SEC24D: variants seen among roughly 807,000 people sequenced by gnomAD.
SEC24D encodes SEC24 homolog D, COPII component, also known as protein transport protein Sec24D.
SEC24D carries 69 observed loss-of-function variants against 116.9 expected under a neutral mutation model. That is an observed-to-expected ratio of 0.59 (90% CI 0.49 to 0.72). SEC24D has a LOEUF of 0.72. SEC24D is among the 30% of genes least tolerant of loss of function. SEC24D has a pLI of 0.00. For synonymous variants in SEC24D, 405 were observed against 442.8 expected (o/e 0.91, Z 1.07); for missense variants, 1,131 against 1,264.1 (o/e 0.89, Z 1.60).
intron 13 of SEC24D, among the ~76,000 whole-genome samples, chr4:118,745,855 T>C (rs1054445599): frequency 1.3e-5 from 2 of 152,280 alleles, no homozygotes; most frequent in East Asian, 3.9e-4. Flanking sequence ...ACAATAGCTC[T>C]GATCAGGTAT....
intron 17 of SEC24D, among the ~76,000 whole-genome samples, chr4:118,739,673 C>G (rs1314480150): frequency 6.6e-6 from 1 of 152,216 alleles, no homozygotes; most frequent in African/African-American, 2.4e-5. Flanking sequence ...AAACATACAA[C>G]TAGCTTTCAC....
At chr4:118,804,661 A>T (rs997608454) in intron 7 of SEC24D, among the ~76,000 whole-genome samples, 1 of 152,040 alleles carries the variant, frequency 6.6e-6, no homozygotes, top group Non-Finnish European at 1.5e-5. Flanking sequence ...ATATGAACTC[A>T]TCTAACTAGT....
At position 118,732,727 on chromosome 4, in the gene SEC24D, G is replaced by A. The variant is rs576275652; in HGVS notation, c.2676+6C>T. 3 of 1,613,220 alleles carry A rather than the reference G, an allele frequency of 1.9e-6. No homozygotes were observed. Among genetic ancestry groups the A allele is most frequent in the South Asian group, 2.2e-5 (2 of 90,918 alleles). ...TCTGGGAAATGCACCACCCCAGCAT[G>A]CTTACTATGGGCAGAAGTTGTGGGT... On this transcript the variant is annotated splice_donor_region_variant and intron_variant, in intron 20 of 22. Coordinates refer to ENST00000280551, the MANE Select transcript of SEC24D (RefSeq NM_014822.4).
chr4:118,731,167 A>G (rs1350277242), intron 21 of SEC24D, 149 bp downstream of exon 21: 1 of 679,362 alleles, frequency 1.5e-6, no homozygotes. Context: ...GCTAATTGAT[A>G]TTGATCAAAA....
At chr4:118,771,174 T>A (rs1445150249) in intron 8 of SEC24D, among the ~76,000 whole-genome samples, 2 of 151,726 alleles carry the variant, frequency 1.3e-5, no homozygotes, top group Non-Finnish European at 1.5e-5. Context: ...TGCATGGCTT[T>A]AAAAAAAAAT....
intron 8 of SEC24D, among the ~76,000 whole-genome samples, chr4:118,792,059 G>A (rs1228019108): frequency 9.3e-5 from 14 of 151,018 alleles, no homozygotes; most frequent in South Asian, 8.4e-4. Context: ...CTGCCTGGCC[G>A]CCCATCATCT....
rs186944512 is a variant in SEC24D at position 118,829,808 on chromosome 4, G to A, written c.118+3771C>T. On this transcript the variant is annotated intron_variant, in intron 2 of 22. Coordinates refer to ENST00000280551, the MANE Select transcript of SEC24D (RefSeq NM_014822.4). ...GCCTGGGTAATAAGAGCGAAACTCC[G>A]TCTCAAAAAAAAAAAAGTGTTAGTA... 2.7e-3 allele frequency among the ~76,000 whole-genome samples: 407 copies of A among 150,502 alleles called. 3 individuals carry two copies. The highest frequency in any genetic ancestry group is 9.3e-3 in the African/African-American group (380 of 40,998).
chr4:118,768,203 G>T lies in SEC24D; in HGVS notation c.1150C>A (p.Gln384Lys). 1 of 1,613,740 alleles carries T rather than the reference G, an allele frequency of 6.2e-7. No individual in the cohort carries two copies. Among genetic ancestry groups the T allele is most frequent in the Admixed American group, 1.7e-5 (1 of 59,966 alleles). The change falls in exon 9 of 23, where the codon CAG becomes AAG. Residue 384 changes from glutamine (Q) to lysine (K), a missense_variant. Transcript: ENST00000280551. Reference sequence around the variant, plus strand: ...TTCACACAGTTGCAAAATCCACACTGATATCTCCTTCCTCCTTCGATGAAC... The same window carrying T: ...TTCACACAGTTGCAAAATCCACACTTATATCTCCTTCCTCCTTCGATGAAC... ...MQFIEGGRRYQCGFCNCVNDV... is the reference protein window; with the variant it reads ...MQFIEGGRRYKCGFCNCVNDV...
chr4:118,732,767 G>C lies in SEC24D; in HGVS notation c.2642C>G (p.Ser881Cys). 1 of 1,614,078 alleles carries C rather than the reference G, an allele frequency of 6.2e-7. No individual in the cohort carries two copies. The highest frequency in any genetic ancestry group is 8.5e-7 in the Non-Finnish European group (1 of 1,179,970). The change falls in exon 20 of 23, where the codon TCT (serine) becomes TGT (cysteine). Residue 881 changes from serine to cysteine, a missense_variant. Coordinates refer to ENST00000280551, the MANE Select transcript of SEC24D (RefSeq NM_014822.4). The part of the protein sequence containing the change: ...QLVMTMGVAD[S>C]QLFFYPQLLP... ...AAGTTGTGGGTAGAAGAAAAGCTGA[G>C]AGTCAGCCACACCCATGGTCATGAC...
Position 118,797,848 on chromosome 4 carries a change from G to GA in SEC24D, c.914-39dup, listed in dbSNP as rs142040500. On this transcript the variant is annotated intron_variant, in intron 7 of 22. Coordinates refer to ENST00000280551, the MANE Select transcript of SEC24D (RefSeq NM_014822.4). ...AAAGGATACACTTAAAACTTGTTTA[G>GA]AAAAAAACCTTCCCTAAGATATTCA... The GA allele has an allele frequency of 4.3e-4, 643 of 1,510,204 alleles. 1 individual carries two copies. The African/African-American group carries it at 7.7e-3, about 18-fold the overall frequency. The allele number at this position is 1,510,204 out of a possible 1,614,324, so 93.6% of individuals were successfully genotyped here.
At chr4:118,732,613 C>A in intron 20 of SEC24D, 120 bp downstream of exon 20, 1 of 929,344 alleles carries the variant, frequency 1.1e-6, no homozygotes, top group Admixed American at 2.7e-5. Flanking sequence ...ATTTTGAAGG[C>A]ATTTGTGACT....
chr4:118,723,392 C>T lies in SEC24D; in HGVS notation c.*123G>A, dbSNP rs1725241594. On this transcript the variant is annotated 3_prime_UTR_variant, in exon 23 of 23. Transcript: ENST00000280551. ...GCTGAAGTTCTAAATGCCATCTCTTCCTGGAAAGTTATTCTGAAAATGAGC... is the reference window on the plus strand; with the variant it reads ...GCTGAAGTTCTAAATGCCATCTCTTTCTGGAAAGTTATTCTGAAAATGAGC... 2.0e-6 allele frequency: 2 copies of T among 1,013,894 alleles called. No individual in the cohort carries two copies. The highest frequency in any genetic ancestry group is 2.6e-5 in the Admixed American group (1 of 38,532). The allele number at this position is 1,013,894 out of a possible 1,614,324, so 62.8% of individuals were successfully genotyped here.
chr4:118,790,729 T>C (rs1320135521), intron 8 of SEC24D, among the ~76,000 whole-genome samples: 1 of 151,812 alleles, frequency 6.6e-6, no homozygotes. Flanking sequence ...GGTTTATTTT[T>C]ATAGGCCGTT....
chr4:118,813,463 G>A (rs1472820691), intron 6 of SEC24D, among the ~76,000 whole-genome samples: 5 of 152,238 alleles, frequency 3.3e-5, no homozygotes, highest in African/African-American at 9.6e-5. Flanking sequence ...TTCTGGTGGA[G>A]ACTCTGCAGA....
chr4:118,790,745 C>T (rs1295650060), intron 8 of SEC24D, among the ~76,000 whole-genome samples: 2 of 151,582 alleles, frequency 1.3e-5, no homozygotes, highest in East Asian at 3.9e-4. Context: ...CCGTTGCTAA[C>T]ACAATAGCAT....
intron 14 of SEC24D, among the ~76,000 whole-genome samples, chr4:118,744,727 G>A (rs1726413884): frequency 6.6e-6 from 1 of 152,126 alleles, no homozygotes; most frequent in Non-Finnish European, 1.5e-5. Flanking sequence ...GCCCAGCCTG[G>A]GGCCTTATTT....
intron 13 of SEC24D, among the ~76,000 whole-genome samples, chr4:118,748,935 T>G (rs1458840949): frequency 6.6e-6 from 1 of 152,122 alleles, no homozygotes; most frequent in African/African-American, 2.4e-5. Flanking sequence ...GTACGTATTA[T>G]GGATAATTTA....
At chr4:118,824,894 C>CT (rs1730535391) in intron 2 of SEC24D, 145 bp from the exon 3 acceptor site, 6 of 646,046 alleles carry the variant, frequency 9.3e-6, no homozygotes, top group Non-Finnish European at 1.5e-5. Flanking sequence ...TAACCATCAC[C>CT]TACAGACCTG....
rs1360328579 is a variant in SEC24D at position 118,817,397 on chromosome 4, T to C, written c.264A>G (p.Pro88=). Residue 88 remains proline, a synonymous_variant, in exon 4 of 23, where the codon CCA becomes CCG. Transcript: ENST00000280551. ...GTGAGGATGCCACATTGTTGACAGG[T>C]GGAGGGCCTGGAAATCTGAGAGAGG... ...GHPPQRFPGP[P]PVNNVASSHA... is the part of the protein sequence containing the mutation. 4.4e-6 allele frequency: 7 copies of C among 1,606,310 alleles called. No individual in the cohort carries two copies. Among genetic ancestry groups the C allele is most frequent in the South Asian group, 1.1e-5 (1 of 89,464 alleles).
Sources: allele counts gnomAD v4.1 joint callset (sites outside exome capture counted in the v4.1 genomes callset), GRCh38; gene constraint gnomAD v4.1.1; transcripts MANE v1.5; gene names NCBI Gene and HGNC (gene_info 2026-07-23, HGNC 2026-07-21).